TWIST2: variants seen among roughly 807,000 people sequenced by gnomAD.
TWIST2 encodes twist-related protein 2.
TWIST2 carries 1 observed loss-of-function variant against 11.6 expected under a neutral mutation model. That is an observed-to-expected ratio of 0.09 (90% CI 0.03 to 0.41). The LOEUF is 0.41. Ranked by LOEUF, TWIST2 falls within the 10% of genes least tolerant of loss-of-function variation. The pLI, the probability that TWIST2 is intolerant of heterozygous loss-of-function variation, is 0.98. For synonymous variants in TWIST2, 87 were observed against 96.6 expected (o/e 0.90, Z 0.58); for missense variants, 168 against 226.4 (o/e 0.74, Z 1.66).
At chr2:238,855,622 C>T (rs1314069499) in intron 1 of TWIST2, among the ~76,000 whole-genome samples, 2 of 152,182 alleles carry the variant, frequency 1.3e-5, no homozygotes, top group Non-Finnish European at 1.5e-5. Context: ...CCTGCATATA[C>T]TCTTCTATAT....
intron 1 of TWIST2, among the ~76,000 whole-genome samples, chr2:238,880,754 TTAA>T (rs1360509937): frequency 5.1e-5 from 6 of 116,964 alleles, no homozygotes; most frequent in African/African-American, 2.1e-4. Context: ...AGTGTTGGTG[TTAA>T]TATTAGCATT....
intron 1 of TWIST2, among the ~76,000 whole-genome samples, chr2:238,902,113 C>T (rs1314929723): frequency 6.6e-6 from 1 of 152,138 alleles, no homozygotes; most frequent in Non-Finnish European, 1.5e-5. Flanking sequence ...GATTCTGACC[C>T]CTGATCCTCA....
chr2:238,870,883 C>T lies in TWIST2; in HGVS notation c.*35+22150C>T, dbSNP rs1190522064. ...TTACCCCACACACACCACACACACACCACATACACACCACATCCCTCCCAC... is the reference window on the plus strand; with the variant it reads ...TTACCCCACACACACCACACACACATCACATACACACCACATCCCTCCCAC... On this transcript the variant is annotated intron_variant, in intron 1 of 1. Transcript: ENST00000612363. Among the ~76,000 whole-genome samples, 2 of 59,914 alleles carry T rather than the reference C, an allele frequency of 3.3e-5. 1 individual carries two copies. Among genetic ancestry groups the T allele is most frequent in the African/African-American group, 1.4e-4 (2 of 14,522 alleles). The allele number at this position is 59,914 out of a possible 152,430, so 39.3% of individuals were successfully genotyped here.
chr2:238,875,166 G>A (rs971305424), intron 1 of TWIST2, among the ~76,000 whole-genome samples: 1 of 151,996 alleles, frequency 6.6e-6, no homozygotes, highest in African/African-American at 2.4e-5. Context: ...GACCCAACTG[G>A]GCAAGCCCTG....
At chr2:238,908,910 T>C (rs1478623623) in intron 1 of TWIST2, among the ~76,000 whole-genome samples, 2 of 149,396 alleles carry the variant, frequency 1.3e-5, no homozygotes, top group African/African-American at 2.5e-5. Context: ...AGTGTGTTTG[T>C]GTATGTGGCA....
At chr2:238,873,792 C>G (rs1041377495) in intron 1 of TWIST2, among the ~76,000 whole-genome samples, 1 of 152,086 alleles carries the variant, frequency 6.6e-6, no homozygotes, top group Non-Finnish European at 1.5e-5. Flanking sequence ...CGGAACATCT[C>G]GATACCAGAA....
intron 1 of TWIST2, among the ~76,000 whole-genome samples, chr2:238,890,635 T>C (rs1693115022): frequency 6.6e-6 from 1 of 152,202 alleles, no homozygotes. Context: ...TAAAATCAAA[T>C]GCCATAAGAC....
intron 1 of TWIST2, among the ~76,000 whole-genome samples, chr2:238,871,460 A>T (rs1574756062): frequency 1.4e-5 from 1 of 71,882 alleles, no homozygotes; most frequent in Non-Finnish European, 2.8e-5. Context: ...CACACACACC[A>T]CACACACACC....
intron 1 of TWIST2, among the ~76,000 whole-genome samples, chr2:238,865,950 C>T (rs1692523225): frequency 6.6e-6 from 1 of 152,198 alleles, no homozygotes; most frequent in Non-Finnish European, 1.5e-5. Context: ...CTTCCTGGTC[C>T]CATCTCCCGG....
intron 1 of TWIST2, among the ~76,000 whole-genome samples, chr2:238,858,529 G>A (rs907678181): frequency 6.6e-6 from 1 of 152,146 alleles, no homozygotes; most frequent in Non-Finnish European, 1.5e-5. Context: ...GGGGATCCAC[G>A]GTTCAGAATA....
intron 1 of TWIST2, among the ~76,000 whole-genome samples, chr2:238,899,887 G>A (rs959833339): frequency 2.2e-4 from 34 of 152,144 alleles, no homozygotes; most frequent in Admixed American, 5.9e-4. Flanking sequence ...GGAGCAGAGG[G>A]TATATGGGAA....
rs146135955 is a variant in TWIST2, at chr2:238,880,008, G to A, written c.*36-29834G>A. ...CCTGCAGGCAGAGAGGGACCTTCAC[G>A]GGGCTCTGGGCTGCCAACATTGTAG... On this transcript the variant is annotated intron_variant, in intron 1 of 1. Coordinates refer to ENST00000612363, the MANE Select transcript of TWIST2 (RefSeq NM_001271893.4). Among the ~76,000 whole-genome samples the A allele has an allele frequency of 9.0e-3, 1,371 of 152,332 alleles. 21 individuals carry two copies. Among genetic ancestry groups the A allele is most frequent in the African/African-American group, 0.031 (1,283 of 41,582 alleles).
intron 1 of TWIST2, among the ~76,000 whole-genome samples, chr2:238,852,630 G>C (rs1016559564): frequency 6.6e-6 from 1 of 150,670 alleles, no homozygotes; most frequent in Non-Finnish European, 1.5e-5. Context: ...GAGTCTACAC[G>C]TGATAAAATT....
intron 1 of TWIST2, among the ~76,000 whole-genome samples, chr2:238,879,472 G>A (rs1441996465): frequency 6.6e-6 from 1 of 152,100 alleles, no homozygotes; most frequent in Non-Finnish European, 1.5e-5. Context: ...CCCTCCAGCC[G>A]GGACTACCTG....
At chr2:238,880,509 A>T (rs1456103282) in intron 1 of TWIST2, among the ~76,000 whole-genome samples, 1 of 91,498 alleles carries the variant, frequency 1.1e-5, no homozygotes, top group Non-Finnish European at 2.2e-5. Context: ...TGTCAGCATT[A>T]GTATTAGTGT....
chr2:238,887,817 C>A (rs1316518533), intron 1 of TWIST2, among the ~76,000 whole-genome samples: 1 of 152,232 alleles, frequency 6.6e-6, no homozygotes, highest in Non-Finnish European at 1.5e-5. Flanking sequence ...AGAGTCCCTG[C>A]CAACCTGAAT....
chr2:238,896,347 A>G (rs1265292491), intron 1 of TWIST2, among the ~76,000 whole-genome samples: 3 of 152,212 alleles, frequency 2.0e-5, no homozygotes, highest in Admixed American at 2.0e-4. Flanking sequence ...CACTGTCCCC[A>G]GGGCCACCAG....
At chr2:238,900,402 T>C (rs4078205) in intron 1 of TWIST2, among the ~76,000 whole-genome samples, 66,800 of 152,034 alleles carry the variant, frequency 0.44, 14,730 homozygotes, top group Middle Eastern at 0.58. Context: ...CCCAGTTGAC[T>C]GTGGGCCTCT....
At chr2:238,891,106 C>T (rs1413681678) in intron 1 of TWIST2, among the ~76,000 whole-genome samples, 1 of 152,210 alleles carries the variant, frequency 6.6e-6, no homozygotes, top group Admixed American at 6.5e-5. Flanking sequence ...ATTTGTGGAT[C>T]ATGACATTCG....
Sources: allele counts gnomAD v4.1 joint callset (sites outside exome capture counted in the v4.1 genomes callset), GRCh38; gene constraint gnomAD v4.1.1; transcripts MANE v1.5; gene names NCBI Gene and HGNC (gene_info 2026-07-23, HGNC 2026-07-21).